The following NDUFAF6 variants were observed in gnomAD, a reference collection of about 807,000 sequenced individuals.
NDUFAF6 encodes NADH dehydrogenase (ubiquinone) complex I, assembly factor 6.
Under a neutral mutation model 40.8 loss-of-function variants are expected in NDUFAF6, and 45 were observed. The observed-to-expected ratio is 1.10, with a 90% CI of 0.87 to 1.42. The LOEUF (loss-of-function observed/expected upper bound fraction) is 1.42, where lower values mean the gene tolerates loss of function less well. Ranked by LOEUF, NDUFAF6 falls within the 40% of genes most tolerant of loss-of-function variation. The probability of loss-of-function intolerance (pLI) is 0.00; values close to 1 mark genes in which losing one functional copy is unlikely to be tolerated. For synonymous variants in NDUFAF6, 185 were observed against 155.9 expected (o/e 1.19, Z -1.39); for missense variants, 435 against 418.5 (o/e 1.04, Z -0.34).
intron 1 of NDUFAF6, among the ~76,000 whole-genome samples, chr8:94,938,326 T>C (rs1355862882): frequency 2.6e-5 from 4 of 152,212 alleles, no homozygotes; most frequent in African/African-American, 4.8e-5. Flanking sequence ...CATATCCTTT[T>C]GTTGTAAGGA....
chr8:94,941,421 A>G (rs1224702359), intron 1 of NDUFAF6, among the ~76,000 whole-genome samples: 1 of 152,176 alleles, frequency 6.6e-6, no homozygotes, highest in African/African-American at 2.4e-5. Context: ...AGATAGTAAC[A>G]GTCTTGCTAT....
chr8:95,114,797 G>A (rs1024476719), intron 4 of NDUFAF6, among the ~76,000 whole-genome samples: 2 of 152,144 alleles, frequency 1.3e-5, no homozygotes, highest in African/African-American at 4.8e-5. Flanking sequence ...ATATTGTTGA[G>A]ATTTGTGAAA....
At chr8:95,018,659 A>G (rs904373021) in intron 2 of NDUFAF6, among the ~76,000 whole-genome samples, 7 of 152,258 alleles carry the variant, frequency 4.6e-5, no homozygotes, top group Admixed American at 2.0e-4. Flanking sequence ...AAAGATGCCC[A>G]TTAAACACAA....
At chr8:94,940,355 G>T in intron 1 of NDUFAF6, 1 of 1,005,830 alleles carries the variant, frequency 9.9e-7, no homozygotes, top group South Asian at 1.7e-5. Flanking sequence ...GATACTATTA[G>T]CTGATGCTCA....
chr8:94,971,792 G>T (rs955162950), intron 1 of NDUFAF6, among the ~76,000 whole-genome samples: 2 of 152,142 alleles, frequency 1.3e-5, no homozygotes, highest in African/African-American at 4.8e-5. Flanking sequence ...GGAAAAATTG[G>T]CAGGGTGTGG....
At chr8:94,904,146 TTTTTTGG>T (rs1181455252) in intron 1 of NDUFAF6, among the ~76,000 whole-genome samples, 3 of 151,466 alleles carry the variant, frequency 2.0e-5, no homozygotes, top group South Asian at 2.1e-4. Flanking sequence ...GGTTTTTTTG[TTTTTTGG>T]TTTTTTTTGA....
upstream of NDUFAF6, among the ~76,000 whole-genome samples, chr8:94,955,727 A>C (rs544293801): frequency 6.6e-6 from 1 of 152,366 alleles, no homozygotes; most frequent in South Asian, 2.1e-4. Context: ...CTCAAACCAT[A>C]AAGTCAACAG....
In NDUFAF6 at chr8:94,933,579, A is replaced by G. The variant is rs1820644672; in HGVS notation, c.-935-11904A>G. On this transcript the variant is annotated intron_variant, in intron 1 of 14. Transcript: ENST00000396113. ...CAGGAGTTTGAGACCAGCTTAATCA[A>G]CATGGTGAAACCCTGTCTCTACTAA... is the stretch of plus-strand genomic sequence containing the variant. 2.6e-5 allele frequency among the ~76,000 whole-genome samples: 4 copies of G among 152,112 alleles called. No individual in the cohort carries two copies. In the South Asian group the frequency reaches 8.3e-4, roughly 32 times the overall value.
chr8:95,036,245 A>T (rs1829488490), intron 3 of NDUFAF6: 10 of 1,194,202 alleles, frequency 8.4e-6, no homozygotes, highest in Non-Finnish European at 1.1e-5. Context: ...AAACTATGAG[A>T]GGAGGAAGGG....
At chr8:94,900,987 T>A (rs1196717936) in intron 1 of NDUFAF6, among the ~76,000 whole-genome samples, 1 of 152,038 alleles carries the variant, frequency 6.6e-6, no homozygotes, top group East Asian at 1.9e-4. Flanking sequence ...AACTAATAAA[T>A]GTGTCAGATA....
rs193221762 is a variant in NDUFAF6, at chr8:95,043,839, C to G, written c.478-1706C>G. Among the ~76,000 whole-genome samples, 10 of 152,192 alleles carry G rather than the reference C, an allele frequency of 6.6e-5. No individual in the cohort carries two copies. In the South Asian group the frequency reaches 1.9e-3, roughly 28 times the overall value. On this transcript the variant is annotated intron_variant, in intron 4 of 8. Transcript: ENST00000396124. ...AAAAATAGTTTGGCAACTTTTTCTT[C>G]GAAGAGATAAACATAGGAGTTATCA...
intron 1 of NDUFAF6, among the ~76,000 whole-genome samples, chr8:94,916,022 C>T (rs185403576): frequency 3.3e-4 from 50 of 152,238 alleles, no homozygotes; most frequent in East Asian, 2.1e-3. Context: ...CCCATTCTCC[C>T]TTGAAGCTAG....
intron 1 of NDUFAF6, among the ~76,000 whole-genome samples, chr8:94,935,413 A>G (rs895787968): frequency 1.3e-5 from 2 of 152,228 alleles, no homozygotes; most frequent in Non-Finnish European, 2.9e-5. Flanking sequence ...GCAATCTCAG[A>G]TATTTCCTAG....
chr8:95,108,127 A>G (rs1469039380), downstream of NDUFAF6, among the ~76,000 whole-genome samples: 3 of 151,990 alleles, frequency 2.0e-5, no homozygotes, highest in African/African-American at 7.2e-5. Flanking sequence ...GGGATGTAAA[A>G]TGGACAGCTG....
intron 8 of NDUFAF6, among the ~76,000 whole-genome samples, chr8:95,056,635 G>A (rs1339162753): frequency 2.0e-5 from 3 of 151,958 alleles, no homozygotes; most frequent in African/African-American, 4.8e-5. Context: ...GGCCGGGTGC[G>A]GTGGCTCATG....
chr8:95,041,783 T>C (rs900440494), intron 4 of NDUFAF6, among the ~76,000 whole-genome samples, 157 bp downstream of exon 4: 5 of 152,112 alleles, frequency 3.3e-5, no homozygotes, highest in Non-Finnish European at 7.4e-5. Flanking sequence ...CCTTGCATGC[T>C]ACCCCCCATA....
At chr8:95,097,467 GC>G (rs1809504330), upstream of NDUFAF6, among the ~76,000 whole-genome samples, 1 of 152,218 alleles carries the variant, frequency 6.6e-6, no homozygotes, top group Non-Finnish European at 1.5e-5. Flanking sequence ...GGAGACTGAG[GC>G]GGGTGGATCA....
At chr8:94,911,575 C>T (rs963750744) in intron 1 of NDUFAF6, among the ~76,000 whole-genome samples, 3 of 152,200 alleles carry the variant, frequency 2.0e-5, no homozygotes, top group Non-Finnish European at 4.4e-5. Context: ...AGCAGATAAT[C>T]ACTGTTTCTC....
At chr8:95,098,546 A>G (rs1809545345), upstream of NDUFAF6, among the ~76,000 whole-genome samples, 1 of 152,182 alleles carries the variant, frequency 6.6e-6, no homozygotes, top group African/African-American at 2.4e-5. Context: ...CACACCTGTA[A>G]TCTCTCCCAG....
Sources: gnomAD v4.1 joint callset for allele counts (sites outside exome capture counted in the v4.1 genomes callset) on GRCh38, gnomAD v4.1.1 for gene constraint, MANE v1.5 for transcripts, NCBI Gene and HGNC (gene_info 2026-07-23, HGNC 2026-07-21) for gene names.